The following DMRT1 variants were observed in gnomAD, a reference collection of about 807,000 sequenced individuals.
DMRT1 encodes doublesex- and mab-3-related transcription factor 1.
A neutral mutation model predicts 32.3 loss-of-function variants in DMRT1; 7 were observed. The ratio of observed to expected loss-of-function variants is 0.22; its 90% CI spans 0.12 to 0.41. The LOEUF (loss-of-function observed/expected upper bound fraction) is 0.41, where lower values mean the gene tolerates loss of function less well. Among genes scored for constraint, DMRT1 ranks in the 10% least tolerant of loss-of-function variants. The pLI, the probability that DMRT1 is intolerant of heterozygous loss-of-function variation, is 1.00. For missense variants in DMRT1, 625 were observed against 500.5 expected, an observed-to-expected ratio of 1.25 and a Z score of -2.37; for synonymous variants, 278 against 206.1, an observed-to-expected ratio of 1.35 and a Z score of -2.99.
intron 4 of DMRT1, among the ~76,000 whole-genome samples, chr9:947,252 A>T (rs1032871566): frequency 1.1e-4 from 16 of 152,038 alleles, no homozygotes; most frequent in Non-Finnish European, 1.5e-5. Context: ...ACATTATGAG[A>T]TCGTTTTGGG....
At chr9:942,215 A>G (rs1819097519) in intron 4 of DMRT1, among the ~76,000 whole-genome samples, 1 of 152,190 alleles carries the variant, frequency 6.6e-6, no homozygotes, top group African/African-American at 2.4e-5. Context: ...ATCTTTTAAA[A>G]ACAAGCTTTC....
chr9:943,229 A>G (rs1208950705), intron 4 of DMRT1, among the ~76,000 whole-genome samples: 2 of 152,250 alleles, frequency 1.3e-5, no homozygotes, highest in Non-Finnish European at 2.9e-5. Flanking sequence ...GCCTTCCAGA[A>G]TCATTCATCT....
At chr9:858,869 AAATATATATATAT>A (rs1461927258) in intron 2 of DMRT1, among the ~76,000 whole-genome samples, 4 of 17,310 alleles carry the variant, frequency 2.3e-4, no homozygotes, top group African/African-American at 5.1e-4. Context: ...AAAAAAAAAA[AAATATATATATAT>A]ATATATATAT....
At chr9:885,680 G>T (rs1816901085) in intron 2 of DMRT1, among the ~76,000 whole-genome samples, 1 of 152,180 alleles carries the variant, frequency 6.6e-6, no homozygotes, top group African/African-American at 2.4e-5. Context: ...TGGTGGTCCA[G>T]GGTGGTCTTG....
At chr9:930,713 T>A (rs184998642) in intron 4 of DMRT1, among the ~76,000 whole-genome samples, 7 of 152,226 alleles carry the variant, frequency 4.6e-5, no homozygotes, top group African/African-American at 1.4e-4. Flanking sequence ...CGGCCAATTT[T>A]AAAAAATTTT....
At position 893,754 on chromosome 9, in the gene DMRT1, T is replaced by C. The variant is rs73374764; in HGVS notation, c.539-158T>C. 0.038 allele frequency among the ~76,000 whole-genome samples: 5,816 copies of C among 152,322 alleles called. 157 individuals carry two copies. The highest frequency in any genetic ancestry group is 0.078 in the African/African-American group (3,240 of 41,570). On this transcript the variant is annotated intron_variant, in intron 2 of 4. Coordinates refer to ENST00000382276, the MANE Select transcript of DMRT1 (RefSeq NM_021951.3). ...CCAGAGTGAAGCGAACCTTAGAAAC[T>C]CTCCCTTATTTTGGCTATAGGAGAA...
At chr9:844,188 G>T (rs893059222) in intron 1 of DMRT1, among the ~76,000 whole-genome samples, 1 of 152,104 alleles carries the variant, frequency 6.6e-6, no homozygotes, top group Non-Finnish European at 1.5e-5. Context: ...GCAACTCAAG[G>T]TCACTTAGAA....
intron 3 of DMRT1, among the ~76,000 whole-genome samples, chr9:904,750 A>G (rs749489484): frequency 2.0e-5 from 3 of 152,064 alleles, no homozygotes; most frequent in Non-Finnish European, 4.4e-5. Flanking sequence ...TTTGAGACCA[A>G]TCTCAGCAAC....
intron 4 of DMRT1, among the ~76,000 whole-genome samples, chr9:941,226 A>T (rs149991268): frequency 6.6e-6 from 1 of 152,124 alleles, no homozygotes; most frequent in Non-Finnish European, 1.5e-5. Flanking sequence ...TGTACACTCA[A>T]TGTTCACAGC....
intron 2 of DMRT1, 96 bp from the exon 3 acceptor site, chr9:893,816 C>T: frequency 8.6e-7 from 1 of 1,156,816 alleles, no homozygotes; most frequent in Non-Finnish European, 1.3e-6. Context: ...ATTCAGCTAC[C>T]TTGCTCCGCA....
chr9:868,156 T>G (rs919304306), intron 2 of DMRT1, among the ~76,000 whole-genome samples: 2 of 152,186 alleles, frequency 1.3e-5, no homozygotes, highest in African/African-American at 2.4e-5. Context: ...TTTTGTATTT[T>G]TTTGTAGAGA....
chr9:850,717 C>G (rs568632507), intron 2 of DMRT1, among the ~76,000 whole-genome samples: 1 of 140,608 alleles, frequency 7.1e-6, no homozygotes, highest in Admixed American at 7.4e-5. Context: ...TTTTTAGTGA[C>G]CTAGAATTCC....
intron 3 of DMRT1, among the ~76,000 whole-genome samples, chr9:903,185 A>G (rs1368617001): frequency 6.6e-6 from 1 of 152,108 alleles, no homozygotes; most frequent in Non-Finnish European, 1.5e-5. Flanking sequence ...TTGGGTCTTT[A>G]CAACATAGTC....
intron 2 of DMRT1, among the ~76,000 whole-genome samples, chr9:858,884 T>C (rs1191181345): frequency 6.7e-6 from 1 of 148,590 alleles, no homozygotes; most frequent in East Asian, 2.0e-4. Context: ...TATATATATA[T>C]ATATATATAT....
intron 3 of DMRT1, among the ~76,000 whole-genome samples, chr9:907,714 T>C (rs987776859): frequency 1.3e-5 from 2 of 152,224 alleles, no homozygotes; most frequent in African/African-American, 4.8e-5. Context: ...AGAACAGTTC[T>C]TACCCCTTAC....
intron 3 of DMRT1, among the ~76,000 whole-genome samples, chr9:903,197 TACTCCTG>T (rs1183136219): frequency 6.6e-6 from 1 of 152,194 alleles, no homozygotes; most frequent in Non-Finnish European, 1.5e-5. Flanking sequence ...AACATAGTCT[TACTCCTG>T]CAGGGAGCAA....
chr9:857,539 T>C (rs1815451282), intron 2 of DMRT1, among the ~76,000 whole-genome samples: 1 of 152,122 alleles, frequency 6.6e-6, no homozygotes, highest in Non-Finnish European at 1.5e-5. Flanking sequence ...TTTTGGACTT[T>C]GGGTGACATG....
rs574133182 is a variant in DMRT1, at chr9:864,295, C to G, written c.538+17152C>G. Among the ~76,000 whole-genome samples, 5 of 149,708 alleles carry G rather than the reference C, an allele frequency of 3.3e-5. No homozygotes were observed. The South Asian group carries it at 1.1e-3, about 32-fold the overall frequency. On this transcript the variant is annotated intron_variant, in intron 2 of 4. Transcript: ENST00000382276. ...TCTCGGCTCACTGCAGCCTCTGCCTCTCAGGTTCAAGCGATTCTCCACTTC... is the reference window on the plus strand; with the variant it reads ...TCTCGGCTCACTGCAGCCTCTGCCTGTCAGGTTCAAGCGATTCTCCACTTC...
chr9:862,315 C>T (rs1815748763), intron 2 of DMRT1, among the ~76,000 whole-genome samples: 1 of 152,168 alleles, frequency 6.6e-6, no homozygotes, highest in African/African-American at 2.4e-5. Context: ...GCCCCGCCAA[C>T]ACGGCGAAAC....
Sources: allele counts gnomAD v4.1 joint callset (sites outside exome capture counted in the v4.1 genomes callset), GRCh38; gene constraint gnomAD v4.1.1; transcripts MANE v1.5; gene names NCBI Gene and HGNC (gene_info 2026-07-23, HGNC 2026-07-21).